Variants in ZBTB7C observed in about 807,000 individuals in gnomAD.
ZBTB7C encodes the protein zinc finger and BTB domain-containing protein 7C.
A neutral mutation model predicts 25.7 loss-of-function variants in ZBTB7C; 8 were observed. The ratio of observed to expected loss-of-function variants is 0.31; its 90% CI spans 0.18 to 0.56. The LOEUF (loss-of-function observed/expected upper bound fraction) is 0.56. Ranked by LOEUF, ZBTB7C falls within the 20% of genes least tolerant of loss-of-function variation. ZBTB7C has a pLI of 0.91. For missense variants in ZBTB7C, 824 were observed against 855.2 expected, an observed-to-expected ratio of 0.96 and a Z score of 0.46; for synonymous variants, 394 against 369.0, an observed-to-expected ratio of 1.07 and a Z score of -0.78.
intron 2 of ZBTB7C, among the ~76,000 whole-genome samples, chr18:48,318,224 A>C (rs1235460041): frequency 2.6e-5 from 4 of 151,096 alleles, no homozygotes; most frequent in Non-Finnish European, 4.4e-5. Flanking sequence ...CAAAAAAAAA[A>C]CCTAAAAAAA....
At chr18:48,247,616 T>C (rs1219156315) in intron 2 of ZBTB7C, among the ~76,000 whole-genome samples, 2 of 152,194 alleles carry the variant, frequency 1.3e-5, no homozygotes, top group Non-Finnish European at 2.9e-5. Flanking sequence ...TCCAAACACA[T>C]GGCTTTCCCT....
chr18:48,160,753 A>T (rs906767974), intron 3 of ZBTB7C, among the ~76,000 whole-genome samples: 3 of 152,020 alleles, frequency 2.0e-5, no homozygotes, highest in African/African-American at 7.2e-5. Context: ...CCTTGGGATG[A>T]GTGAGAAGTT....
intron 2 of ZBTB7C, among the ~76,000 whole-genome samples, chr18:48,212,928 A>G (rs2042735871): frequency 6.6e-6 from 1 of 152,156 alleles, no homozygotes; most frequent in Non-Finnish European, 1.5e-5. Flanking sequence ...GACCACTACT[A>G]TGTGTGGGGG....
At chr18:48,035,003 C>G (rs185221308) in intron 4 of ZBTB7C, among the ~76,000 whole-genome samples, 1 of 152,358 alleles carries the variant, frequency 6.6e-6, no homozygotes, top group African/African-American at 2.4e-5. Flanking sequence ...TTGAGACACA[C>G]TCTTCCTGCT....
At chr18:48,156,254 G>A (rs899521371) in intron 3 of ZBTB7C, among the ~76,000 whole-genome samples, 6 of 152,236 alleles carry the variant, frequency 3.9e-5, no homozygotes, top group East Asian at 1.9e-4. Context: ...ACCTGCCCAC[G>A]TGACACGGCA....
At chr18:48,124,157 A>G (rs1263385951) in intron 3 of ZBTB7C, among the ~76,000 whole-genome samples, 1 of 152,256 alleles carries the variant, frequency 6.6e-6, no homozygotes, top group Non-Finnish European at 1.5e-5. Context: ...ACTTTGGGGC[A>G]TGGTGACCTC....
At chr18:48,193,542 G>C (rs1175547584) in intron 2 of ZBTB7C, among the ~76,000 whole-genome samples, 3 of 152,176 alleles carry the variant, frequency 2.0e-5, no homozygotes, top group Non-Finnish European at 4.4e-5. Context: ...AAAATGAATA[G>C]CAGAATTCAG....
intron 2 of ZBTB7C, among the ~76,000 whole-genome samples, chr18:48,324,319 G>T (rs937178022): frequency 6.6e-6 from 1 of 152,166 alleles, no homozygotes; most frequent in African/African-American, 2.4e-5. Flanking sequence ...CCCCAAGAGA[G>T]CAGTGTGCAC....
chr18:48,269,086 G>A (rs904494804), intron 2 of ZBTB7C, among the ~76,000 whole-genome samples: 2 of 150,952 alleles, frequency 1.3e-5, no homozygotes, highest in African/African-American at 4.9e-5. Context: ...TCAGCCTCCT[G>A]AGTAGCTGGG....
intron 2 of ZBTB7C, among the ~76,000 whole-genome samples, chr18:48,260,337 C>T (rs1171996165): frequency 6.6e-6 from 1 of 152,184 alleles, no homozygotes; most frequent in Non-Finnish European, 1.5e-5. Context: ...GCATTCCCTT[C>T]CCCCTGGGCA....
intron 1 of ZBTB7C, among the ~76,000 whole-genome samples, chr18:48,393,258 C>G (rs929040897): frequency 1.5e-4 from 19 of 126,238 alleles, no homozygotes; most frequent in South Asian, 3.2e-4. Context: ...CCCCACCCCC[C>G]ACCCCTGCCA....
chr18:48,124,670 TC>T (rs1240518251), intron 3 of ZBTB7C, among the ~76,000 whole-genome samples: 1 of 152,138 alleles, frequency 6.6e-6, no homozygotes, highest in Admixed American at 6.5e-5. Flanking sequence ...GACCCAGGAA[TC>T]CTGATAGGAT....
At chr18:48,095,026 T>A (rs1177310010) in intron 3 of ZBTB7C, among the ~76,000 whole-genome samples, 1 of 152,144 alleles carries the variant, frequency 6.6e-6, no homozygotes, top group Admixed American at 6.5e-5. Context: ...TCTGGGTTAT[T>A]CTTCTCACTC....
intron 3 of ZBTB7C, among the ~76,000 whole-genome samples, chr18:48,083,369 C>G (rs2144500412): frequency 6.6e-6 from 1 of 152,250 alleles, no homozygotes; most frequent in South Asian, 2.1e-4. Context: ...TGCAGACCAG[C>G]TTTCTTCCCT....
intron 1 of ZBTB7C, among the ~76,000 whole-genome samples, chr18:48,406,907 C>T (rs1224555459): frequency 6.6e-6 from 1 of 152,208 alleles, no homozygotes; most frequent in African/African-American, 2.4e-5. Context: ...ATAACAATCA[C>T]TCTGGTTATC....
intron 1 of ZBTB7C, among the ~76,000 whole-genome samples, chr18:48,380,874 C>A (rs946393217): frequency 1.3e-5 from 2 of 152,102 alleles, no homozygotes; most frequent in African/African-American, 4.8e-5. Flanking sequence ...TCTGAACTAC[C>A]ATCACAATAC....
intron 3 of ZBTB7C, among the ~76,000 whole-genome samples, chr18:48,178,861 A>G (rs1483114222): frequency 6.6e-6 from 1 of 152,114 alleles, no homozygotes; most frequent in Non-Finnish European, 1.5e-5. Flanking sequence ...GGAGCCCATC[A>G]TGTGTCCCAT....
chr18:48,405,274 G>A (rs554667949), intron 1 of ZBTB7C, among the ~76,000 whole-genome samples: 1 of 152,232 alleles, frequency 6.6e-6, no homozygotes, highest in East Asian at 1.9e-4. Context: ...GGACCTATTT[G>A]GGGCAGAGTC....
intron 1 of ZBTB7C, among the ~76,000 whole-genome samples, chr18:48,345,596 G>A (rs919945746): frequency 2.6e-5 from 4 of 152,054 alleles, no homozygotes; most frequent in African/African-American, 9.7e-5. Context: ...CATGCTCCTG[G>A]GCGGGTATTT....
Sources: allele counts gnomAD v4.1 joint callset (sites outside exome capture counted in the v4.1 genomes callset), GRCh38; gene constraint gnomAD v4.1.1; transcripts MANE v1.5; gene names NCBI Gene and HGNC (gene_info 2026-07-23, HGNC 2026-07-21).